Variants in CCDC181 observed in about 807,000 individuals in gnomAD.
CCDC181 encodes the protein coiled-coil domain containing 181.
A neutral mutation model predicts 58.7 loss-of-function variants in CCDC181; 35 were observed. The observed-to-expected ratio is 0.60, with a 90% CI of 0.46 to 0.79. The LOEUF is 0.79. Among genes scored for constraint, CCDC181 ranks in the 30% least tolerant of loss-of-function variants. The pLI, the probability that CCDC181 is intolerant of heterozygous loss-of-function variation, is 0.00. For missense variants in CCDC181, 517 were observed against 583.9 expected (o/e 0.89, Z 1.18); for synonymous variants, 183 against 197.5 (o/e 0.93, Z 0.62).
chr1:169,418,777 AGTTTTCT>A, intron 4 of CCDC181: 1 of 497,908 alleles, frequency 2.0e-6, no homozygotes, highest in Non-Finnish European at 3.5e-6. Flanking sequence ...ACGAATTGAT[AGTTTTCT>A]GTTTTCTGTT....
At chr1:169,416,490 A>T (rs1256003946) in intron 4 of CCDC181, among the ~76,000 whole-genome samples, 1 of 152,146 alleles carries the variant, frequency 6.6e-6, no homozygotes, top group African/African-American at 2.4e-5. Context: ...GGATTGAAAC[A>T]CCAGAATACA....
intron 2 of CCDC181, among the ~76,000 whole-genome samples, chr1:169,458,192 T>G (rs1657732561): frequency 1.3e-5 from 2 of 148,396 alleles, no homozygotes; most frequent in East Asian, 1.9e-4. Context: ...TTTTTTTGTT[T>G]TGTTTTTTTT....
intron 4 of CCDC181, among the ~76,000 whole-genome samples, chr1:169,411,401 C>A (rs1655954975): frequency 6.6e-6 from 1 of 152,048 alleles, no homozygotes; most frequent in South Asian, 2.1e-4. Flanking sequence ...AATTAATAGC[C>A]TACCAACCAA....
intron 4 of CCDC181, among the ~76,000 whole-genome samples, chr1:169,411,835 A>T (rs534979303): frequency 6.6e-6 from 1 of 152,220 alleles, no homozygotes; most frequent in Non-Finnish European, 1.5e-5. Context: ...ACAGCACTTC[A>T]TGCTAAAAAC....
At chr1:169,411,753 TATAAAC>T (rs1260224105) in intron 4 of CCDC181, among the ~76,000 whole-genome samples, 1 of 152,178 alleles carries the variant, frequency 6.6e-6, no homozygotes, top group Non-Finnish European at 1.5e-5. Context: ...TAATCCATCA[TATAAAC>T]AGAAACAATG....
chr1:169,404,812 C>A (rs1206013083), intron 4 of CCDC181, among the ~76,000 whole-genome samples: 2 of 152,116 alleles, frequency 1.3e-5, no homozygotes, highest in Admixed American at 1.3e-4. Flanking sequence ...CTGGACAGGG[C>A]AATCAGGCAG....
At chr1:169,396,505 G>C (rs190934263) in intron 5 of CCDC181, 1 of 152,380 alleles carries the variant, frequency 6.6e-6, no homozygotes, top group East Asian at 1.9e-4. Flanking sequence ...GCAGTGAGCT[G>C]AGATCATGCC....
chr1:169,419,190 G>C, intron 3 of CCDC181, 31 bp from the exon 4 acceptor site: 1 of 1,516,152 alleles, frequency 6.6e-7, no homozygotes, highest in East Asian at 2.3e-5. Flanking sequence ...GACATTAATG[G>C]AAGATTAATA....
chr1:169,448,096 G>T (rs961558269), intron 2 of CCDC181, among the ~76,000 whole-genome samples: 1 of 152,068 alleles, frequency 6.6e-6, no homozygotes, highest in Non-Finnish European at 1.5e-5. Flanking sequence ...CACATGTAGT[G>T]CAGGTACCTA....
At chr1:169,444,461 A>G (rs1657318958) in intron 2 of CCDC181, among the ~76,000 whole-genome samples, 1 of 152,142 alleles carries the variant, frequency 6.6e-6, no homozygotes, top group South Asian at 2.1e-4. Flanking sequence ...TTTTTACAGC[A>G]AAGTCCAGAC....
At chr1:169,418,031 G>C (rs750713226) in intron 4 of CCDC181, among the ~76,000 whole-genome samples, 2 of 152,086 alleles carry the variant, frequency 1.3e-5, no homozygotes, top group Non-Finnish European at 2.9e-5. Flanking sequence ...TGGAGGAACA[G>C]GTATAACATT....
chr1:169,416,186 T>TC lies in CCDC181; in HGVS notation c.1215+2826dup, dbSNP rs1656206422. Among the ~76,000 whole-genome samples, 7 of 152,288 alleles carry TC rather than the reference T, an allele frequency of 4.6e-5. No individual in the cohort carries two copies. The South Asian group carries it at 1.5e-3, about 32-fold the overall frequency. On this transcript the variant is annotated intron_variant, in intron 4 of 5. Transcript: ENST00000367806. ...CTGTGGAAAAAGCACAGTTTCCCCTTCTGGGTAGCGTGCTCATTCACTGCC... is the reference window on the plus strand; with the variant it reads ...CTGTGGAAAAAGCACAGTTTCCCCTTCCTGGGTAGCGTGCTCATTCACTGCC...
At chr1:169,413,605 A>G (rs138345786) in intron 4 of CCDC181, among the ~76,000 whole-genome samples, 7 of 152,360 alleles carry the variant, frequency 4.6e-5, no homozygotes, top group African/African-American at 1.7e-4. Context: ...AATAACAAAT[A>G]CTTGAAACCA....
intron 4 of CCDC181, among the ~76,000 whole-genome samples, chr1:169,400,525 C>A (rs1292499816): frequency 6.6e-6 from 1 of 151,724 alleles, no homozygotes; most frequent in Non-Finnish European, 1.5e-5. Flanking sequence ...ACAGATCGAT[C>A]CTAAGATGAC....
intron 4 of CCDC181, among the ~76,000 whole-genome samples, chr1:169,408,269 A>G (rs1266246749): frequency 6.6e-6 from 1 of 152,186 alleles, no homozygotes; most frequent in East Asian, 1.9e-4. Flanking sequence ...TTGAGTAGGC[A>G]GTTTTCCCCT....
chr1:169,420,397 CTTT>C (rs58922330), intron 3 of CCDC181, among the ~76,000 whole-genome samples: 26 of 133,958 alleles, frequency 1.9e-4, no homozygotes, highest in Admixed American at 2.2e-4. Flanking sequence ...TCATGTTTCA[CTTT>C]TTTTTTTTTT....
chr1:169,421,719 A>G lies in CCDC181; in HGVS notation c.712T>C (p.Phe238Leu), dbSNP rs35107735. The change falls in exon 3 of 6, where the codon TTT (phenylalanine) becomes CTT (leucine). Residue 238 changes from phenylalanine to leucine, a missense_variant. Phe to Leu is a conservative substitution (Grantham distance 22, BLOSUM62 0). Coordinates refer to ENST00000367806, the MANE Select transcript of CCDC181 (RefSeq NM_001300969.2). ...TTTGCATTATTAATGGGAGGCAAAA[A>G]CCCCTGACTGGCAATGTCTTGTAAA... ...LNLQDIASQG[F>L]LPPINNANST... The G allele has an allele frequency of 6.8e-6, 11 of 1,613,590 alleles. No individual in the cohort carries two copies. The East Asian group carries it at 2.0e-4, about 29-fold the overall frequency.
intron 4 of CCDC181, among the ~76,000 whole-genome samples, chr1:169,407,545 G>T (rs1159218590): frequency 6.6e-6 from 1 of 152,064 alleles, no homozygotes; most frequent in African/African-American, 2.4e-5. Flanking sequence ...AGGCAGAAAA[G>T]GATGAGTAAT....
At chr1:169,426,323 C>G (rs1472104524) in intron 1 of CCDC181, among the ~76,000 whole-genome samples, 1 of 152,164 alleles carries the variant, frequency 6.6e-6, no homozygotes, top group Non-Finnish European at 1.5e-5. Context: ...CAAGCTAGAA[C>G]AAAAATACAT....
Sources: gnomAD v4.1 joint callset for allele counts (sites outside exome capture counted in the v4.1 genomes callset) on GRCh38, gnomAD v4.1.1 for gene constraint, MANE v1.5 for transcripts, NCBI Gene and HGNC (gene_info 2026-07-23, HGNC 2026-07-21) for gene names.